DACH2: variants seen among roughly 807,000 people sequenced by gnomAD.
The protein encoded by DACH2 is dachshund family transcription factor 2.
Under a neutral mutation model 35.8 loss-of-function variants are expected in DACH2, and 17 were observed. The ratio of observed to expected loss-of-function variants is 0.48; its 90% CI spans 0.33 to 0.71. The LOEUF is 0.71. Among genes scored for constraint, DACH2 ranks in the 30% least tolerant of loss-of-function variants. The pLI is 0.02. For synonymous variants in DACH2, 195 were observed against 177.3 expected (o/e 1.10, Z -0.79); for missense variants, 469 against 472.7 (o/e 0.99, Z 0.07).
intron 1 of DACH2, among the ~76,000 whole-genome samples, chrX:86,205,275 G>A (rs750858262): frequency 9.0e-6 from 1 of 110,793 alleles, no homozygotes; most frequent in East Asian, 2.9e-4. Flanking sequence ...TTCTCCAAGT[G>A]TGCCCAATAG....
intron 7 of DACH2, among the ~76,000 whole-genome samples, chrX:86,760,291 C>T (rs752866199): frequency 8.9e-6 from 1 of 111,967 alleles, no homozygotes; most frequent in African/African-American, 3.2e-5. Flanking sequence ...AATAGGTTTT[C>T]TAACCCTTTG....
In DACH2 at chrX:86,277,953, C is replaced by T. The variant is rs762945902; in HGVS notation, c.489-98871C>T. ...CCTATTCTATGCAACAACAATGGAC[C>T]ATTTCTCAATCGGATTGTGATGTGC... On this transcript the variant is annotated intron_variant, in intron 1 of 11. Coordinates refer to ENST00000373125, the MANE Select transcript of DACH2 (RefSeq NM_053281.3). Among the ~76,000 whole-genome samples, 3 of 111,657 alleles carry T rather than the reference C, an allele frequency of 2.7e-5. No homozygotes were observed. The Admixed American group carries it at 2.9e-4, about 11-fold the overall frequency.
At chrX:86,614,944 T>C (rs930033163) in intron 3 of DACH2, among the ~76,000 whole-genome samples, 1 of 112,106 alleles carries the variant, frequency 8.9e-6, no homozygotes. Context: ...GTTTCTTGAA[T>C]TTGTCTATTC....
At chrX:86,721,283 T>G (rs2041404039) in intron 6 of DACH2, among the ~76,000 whole-genome samples, 1 of 112,155 alleles carries the variant, frequency 8.9e-6, no homozygotes, top group African/African-American at 3.2e-5. Context: ...GCTTCAAAAT[T>G]TCCAAAGTTT....
intron 11 of DACH2, among the ~76,000 whole-genome samples, chrX:86,817,666 T>C (rs11092825): frequency 0.22 from 24,719 of 110,876 alleles, 2,134 homozygotes; most frequent in East Asian, 0.48. Flanking sequence ...TTCATAGTAG[T>C]AACATCTTTC....
chrX:86,436,678 T>A (rs2037072996), intron 2 of DACH2, among the ~76,000 whole-genome samples: 1 of 111,615 alleles, frequency 9.0e-6, no homozygotes, highest in African/African-American at 3.2e-5. Context: ...ATATTTTCTT[T>A]GATTCTACCT....
chrX:86,259,939 A>T lies in DACH2; in HGVS notation c.488+110831A>T, dbSNP rs73516036. Among the ~76,000 whole-genome samples, 299 of 110,896 alleles carry T rather than the reference A, an allele frequency of 2.7e-3. 1 individual carries two copies. Among genetic ancestry groups the T allele is most frequent in the African/African-American group, 9.7e-3 (296 of 30,626 alleles). ...GCCAAACATAGACTGCAATAAGGAG[A>T]TTTTCTTACTGCTTATTTTTTTTTA... On this transcript the variant is annotated intron_variant, in intron 1 of 11. Coordinates refer to ENST00000373125, the MANE Select transcript of DACH2 (RefSeq NM_053281.3).
chrX:86,622,039 A>T, intron 3 of DACH2, among the ~76,000 whole-genome samples: 1 of 111,646 alleles, frequency 9.0e-6, no homozygotes, highest in East Asian at 2.8e-4. Flanking sequence ...TAATAGTGGT[A>T]TTTATGAATG....
rs376677014 is a variant in DACH2 at position 86,512,600 on chromosome X, C to A, written c.528-1679C>A. The stretch of plus-strand genomic sequence containing the variant: ...ATAGCACTGAGATGTTTACAGCGGA[C>A]AAATACAAAGACTAATCAGGTGTGT... On this transcript the variant is annotated intron_variant, in intron 2 of 11. Coordinates refer to ENST00000373125, the MANE Select transcript of DACH2 (RefSeq NM_053281.3). Among the ~76,000 whole-genome samples the A allele has an allele frequency of 1.9e-3, 216 of 111,657 alleles. 1 individual carries two copies. The highest frequency in any genetic ancestry group is 6.3e-3 in the African/African-American group (193 of 30,751).
intron 6 of DACH2, among the ~76,000 whole-genome samples, chrX:86,722,926 A>C (rs2041423466): frequency 9.0e-6 from 1 of 111,312 alleles, no homozygotes; most frequent in African/African-American, 3.3e-5. Context: ...GTGTTAGTAG[A>C]ATTTGGCTGT....
At chrX:86,317,891 G>C (rs1397385204) in intron 1 of DACH2, among the ~76,000 whole-genome samples, 1 of 111,196 alleles carries the variant, frequency 9.0e-6, no homozygotes, top group Non-Finnish European at 1.9e-5. Context: ...TCTACACAGG[G>C]GCTGTGTAGA....
At chrX:86,338,993 AC>A (rs2035367693) in intron 1 of DACH2, among the ~76,000 whole-genome samples, 1 of 111,942 alleles carries the variant, frequency 8.9e-6, no homozygotes, top group Non-Finnish European at 1.9e-5. Context: ...CTGGACATAT[AC>A]ATCCTCCCAA....
chrX:86,556,829 G>GAGAA lies in DACH2; in HGVS notation c.640+42439_640+42440insGAAA, dbSNP rs747040901. 4.9e-4 allele frequency among the ~76,000 whole-genome samples: 39 copies of GAGAA among 79,346 alleles called. 1 individual carries two copies. The highest frequency in any genetic ancestry group is 8.5e-4 in the South Asian group (1 of 1,182). 68.9% of individuals were successfully genotyped at this position (79,346 alleles called of 115,157 possible). A position where few individuals can be genotyped will look rare whatever the true frequency, so the allele number is the denominator to read the frequency against. ...AGAGAGAGAGAGAGAGAGAGAGAGA[G>GAGAA]AAGAAGAAATGTACTACGGGAATTT... On this transcript the variant is annotated intron_variant, in intron 3 of 11. Transcript: ENST00000373125.
chrX:86,803,877 A>T (rs1038229804), intron 7 of DACH2, among the ~76,000 whole-genome samples: 1 of 111,525 alleles, frequency 9.0e-6, no homozygotes, highest in African/African-American at 3.3e-5. Flanking sequence ...GTTAAATGGG[A>T]TGGCCAGTAT....
intron 3 of DACH2, among the ~76,000 whole-genome samples, chrX:86,578,981 C>T (rs1303996284): frequency 1.8e-5 from 2 of 111,822 alleles, no homozygotes; most frequent in Admixed American, 9.5e-5. Context: ...CATGAATTTA[C>T]TTTGCATTTC....
At chrX:86,366,987 A>G (rs898100123) in intron 1 of DACH2, among the ~76,000 whole-genome samples, 1 of 110,411 alleles carries the variant, frequency 9.1e-6, no homozygotes, top group African/African-American at 3.3e-5. Context: ...TTTATACCAA[A>G]GCAAAATGGA....
intron 3 of DACH2, among the ~76,000 whole-genome samples, chrX:86,543,616 G>C (rs2038916072): frequency 9.1e-6 from 1 of 110,469 alleles, no homozygotes. Context: ...AAGATGAAAT[G>C]GCCATTCAAA....
At chrX:86,782,008 AC>A (rs2042093812) in intron 7 of DACH2, among the ~76,000 whole-genome samples, 1 of 112,474 alleles carries the variant, frequency 8.9e-6, no homozygotes, top group Non-Finnish European at 1.9e-5. Flanking sequence ...AAGTAAACAA[AC>A]AAAAAGCAGT....
At chrX:86,230,673 G>C (rs1020699633) in intron 1 of DACH2, among the ~76,000 whole-genome samples, 4 of 111,077 alleles carry the variant, frequency 3.6e-5, no homozygotes, top group Non-Finnish European at 5.7e-5. Context: ...GCTTCTTATT[G>C]GTCTGTTCGG....
Sources: allele counts gnomAD v4.1 joint callset (sites outside exome capture counted in the v4.1 genomes callset), GRCh38; gene constraint gnomAD v4.1.1; transcripts MANE v1.5; gene names NCBI Gene and HGNC (gene_info 2026-07-23, HGNC 2026-07-21).